Variants in PRKCE observed in about 807,000 individuals in gnomAD.
PRKCE encodes the protein protein kinase C epsilon type.
Under a neutral mutation model 85.4 loss-of-function variants are expected in PRKCE, and 16 were observed. That is an observed-to-expected ratio of 0.19 (90% CI 0.13 to 0.28). The LOEUF (loss-of-function observed/expected upper bound fraction) is 0.28. Among genes scored for constraint, PRKCE ranks in the 10% least tolerant of loss-of-function variants. The pLI is 1.00. For synonymous variants in PRKCE, 388 were observed against 371.5 expected, an observed-to-expected ratio of 1.04 and a Z score of -0.51; for missense variants, 573 against 975.2, an observed-to-expected ratio of 0.59 and a Z score of 5.49.
intron 10 of PRKCE, among the ~76,000 whole-genome samples, chr2:46,037,046 C>G (rs1051053407): frequency 2.0e-5 from 3 of 152,212 alleles, no homozygotes; most frequent in Non-Finnish European, 4.4e-5. Context: ...CTTCCCACAG[C>G]TGGCGTCCAG....
chr2:45,771,025 G>A (rs955373599), intron 1 of PRKCE, among the ~76,000 whole-genome samples: 3 of 152,156 alleles, frequency 2.0e-5, no homozygotes, highest in African/African-American at 4.8e-5. Context: ...TTCCCTCCAA[G>A]CGTACTTTCA....
chr2:46,160,919 G>A (rs1425433634), intron 14 of PRKCE, among the ~76,000 whole-genome samples: 15 of 152,210 alleles, frequency 9.9e-5, no homozygotes, highest in East Asian at 1.9e-4. Flanking sequence ...AACCAGACTC[G>A]AGCACGTGGG....
At chr2:45,684,522 A>G (rs947878143) in intron 1 of PRKCE, among the ~76,000 whole-genome samples, 1 of 152,252 alleles carries the variant, frequency 6.6e-6, no homozygotes, top group African/African-American at 2.4e-5. Context: ...CACTACATTG[A>G]GAGGCATTTG....
In PRKCE at chr2:46,138,479, G is replaced by A. The variant is rs935707470; in HGVS notation, c.1593-6614G>A. ...TTGAGGATGCCAATTAGCAGGGTTG[G>A]TAGAGTCAGGATTCCCATCTCCTAG... On this transcript the variant is annotated intron_variant, in intron 11 of 14. Coordinates refer to ENST00000306156, the MANE Select transcript of PRKCE (RefSeq NM_005400.3). This position sits in a 1 kb window ranked among gnomAD's most constrained non-coding sequence, Gnocchi z 4.2. 6.6e-6 allele frequency among the ~76,000 whole-genome samples: 1 copy of A among 152,180 alleles called. No individual in the cohort carries two copies. The highest frequency in any genetic ancestry group is 2.1e-4 in the South Asian group (1 of 4,826).
intron 2 of PRKCE, among the ~76,000 whole-genome samples, chr2:45,975,519 C>T (rs1294136893): frequency 6.6e-6 from 1 of 152,172 alleles, no homozygotes; most frequent in African/African-American, 2.4e-5. Context: ...ATCATGGAGG[C>T]TCAACCCTCA....
chr2:45,961,693 A>T (rs1701389443), intron 2 of PRKCE, among the ~76,000 whole-genome samples: 1 of 126,336 alleles, frequency 7.9e-6, no homozygotes, highest in Non-Finnish European at 1.6e-5. Flanking sequence ...CATTGCCAGG[A>T]TTCTTTTTTT....
chr2:45,684,266 C>A (rs1677117902), intron 1 of PRKCE, among the ~76,000 whole-genome samples: 2 of 152,166 alleles, frequency 1.3e-5, no homozygotes, highest in South Asian at 2.1e-4. Context: ...TGAATCTAGA[C>A]CTCTTTGATT....
At chr2:46,101,374 A>G (rs1218303954) in intron 11 of PRKCE, among the ~76,000 whole-genome samples, 1 of 152,140 alleles carries the variant, frequency 6.6e-6, no homozygotes, top group East Asian at 1.9e-4. Context: ...GGAAGTGACC[A>G]CTCCCGGAGA....
chr2:45,856,608 TGCTGTAGTCATGCTA>T (rs1692699979), intron 2 of PRKCE, among the ~76,000 whole-genome samples: 1 of 152,232 alleles, frequency 6.6e-6, no homozygotes, highest in Non-Finnish European at 1.5e-5. Flanking sequence ...CATTGTTATT[TGCTGTAGTCATGCTA>T]CTGTATAATA....
chr2:45,984,349 A>C (rs1180387253), intron 5 of PRKCE, among the ~76,000 whole-genome samples: 1 of 152,198 alleles, frequency 6.6e-6, no homozygotes, highest in Non-Finnish European at 1.5e-5. Flanking sequence ...AGTAGCCAAC[A>C]GTGAGTTAAG....
intron 1 of PRKCE, among the ~76,000 whole-genome samples, chr2:45,824,034 T>C (rs1259703925): frequency 6.6e-6 from 1 of 152,206 alleles, no homozygotes; most frequent in African/African-American, 2.4e-5. Context: ...TCACACACCC[T>C]GCAGGCTGCT....
At chr2:45,767,078 G>C (rs955919466) in intron 1 of PRKCE, among the ~76,000 whole-genome samples, 6 of 151,644 alleles carry the variant, frequency 4.0e-5, no homozygotes, top group Non-Finnish European at 8.8e-5. Flanking sequence ...GGGCAAATTT[G>C]GAAAAATGGC....
intron 10 of PRKCE, 182 bp downstream of exon 10, chr2:46,010,699 A>T (rs371312884): frequency 6.3e-7 from 1 of 1,598,424 alleles, no homozygotes; most frequent in Non-Finnish European, 8.5e-7. Flanking sequence ...AGGATTTTCC[A>T]TTCAAGGTTG....
chr2:45,993,005 G>A (rs1574148746), intron 6 of PRKCE, among the ~76,000 whole-genome samples: 1 of 152,194 alleles, frequency 6.6e-6, no homozygotes, highest in East Asian at 1.9e-4. Flanking sequence ...TTTCTTCCCG[G>A]TACAACTTTA....
intron 1 of PRKCE, among the ~76,000 whole-genome samples, chr2:45,663,486 C>G (rs1195348686): frequency 6.6e-6 from 1 of 152,036 alleles, no homozygotes; most frequent in Non-Finnish European, 1.5e-5. Context: ...CCCCTCTAAA[C>G]TGGAAGAAGA....
intron 10 of PRKCE, among the ~76,000 whole-genome samples, chr2:46,064,343 T>C (rs1252252286): frequency 1.3e-5 from 2 of 151,894 alleles, no homozygotes; most frequent in African/African-American, 2.4e-5. Context: ...ATATAGTCGT[T>C]CTCCTTCGAC....
At chr2:45,942,089 T>A (rs989333837) in intron 2 of PRKCE, among the ~76,000 whole-genome samples, 1 of 152,214 alleles carries the variant, frequency 6.6e-6, no homozygotes. Context: ...TCTGGCATGG[T>A]CCATGGAATG....
At chr2:45,809,415 T>A (rs1405167666) in intron 1 of PRKCE, among the ~76,000 whole-genome samples, 1 of 152,180 alleles carries the variant, frequency 6.6e-6, no homozygotes, top group Non-Finnish European at 1.5e-5. Flanking sequence ...ATTAATGATG[T>A]CTGCCAAGAA....
intron 1 of PRKCE, among the ~76,000 whole-genome samples, chr2:45,784,420 AT>A (rs1686434969): frequency 6.6e-6 from 1 of 152,364 alleles, no homozygotes; most frequent in South Asian, 2.1e-4. Context: ...AGCTTAAAAG[AT>A]AATCAGATTA....
Sources: allele counts gnomAD v4.1 joint callset (sites outside exome capture counted in the v4.1 genomes callset), GRCh38; gene constraint gnomAD v4.1.1; non-coding constraint Gnocchi (gnomAD v3.1); transcripts MANE v1.5; gene names NCBI Gene and HGNC (gene_info 2026-07-23, HGNC 2026-07-21).